Variants in ZNF561 observed in about 807,000 individuals in gnomAD.
ZNF561 encodes zinc finger protein 561.
A neutral mutation model predicts 16.7 loss-of-function variants in ZNF561; 16 were observed. The observed-to-expected ratio is 0.96, with a 90% CI of 0.65 to 1.45. ZNF561 has a LOEUF of 1.45. Among genes scored for constraint, ZNF561 ranks in the 40% most tolerant of loss-of-function variants. ZNF561 has a pLI of 0.00. For missense variants in ZNF561, 580 were observed against 578.0 expected, an observed-to-expected ratio of 1.00 and a Z score of -0.04; for synonymous variants, 190 against 192.1, an observed-to-expected ratio of 0.99 and a Z score of 0.09.
In ZNF561 at chr19:9,610,533, T is replaced by G. The variant is rs759910690; in HGVS notation, c.1128A>C (p.Thr376=). ...QCKECGKAFT[T]STSLIQHTRI... ...TTGTATGCTGAATAAGACTTGTGGA[T>G]GTAGTGAAGGCTTTCCCACATTCCT... The change falls in exon 6 of 6, where the codon ACA becomes ACC. Residue 376 remains threonine (T), a synonymous_variant. Coordinates refer to ENST00000302851, the MANE Select transcript of ZNF561 (RefSeq NM_152289.3). 1.4e-5 allele frequency: 23 copies of G among 1,613,884 alleles called. No individual in the cohort carries two copies.
At chr19:9,613,554 G>A (rs530403797) in intron 5 of ZNF561, among the ~76,000 whole-genome samples, 5 of 151,966 alleles carry the variant, frequency 3.3e-5, no homozygotes, top group East Asian at 1.9e-4. Flanking sequence ...AGTCTCACTC[G>A]GTCAACCAGG....
Position 9,610,731 on chromosome 19 carries a change from C to T in ZNF561, c.930G>A (p.Lys310=). 2.5e-6 allele frequency: 4 copies of T among 1,614,112 alleles called. No individual in the cohort carries two copies. The highest frequency in any genetic ancestry group is 3.4e-6 in the Non-Finnish European group (4 of 1,180,008). The part of the protein sequence containing the change: ...IQIHTGIKPH[K]CTYCGKAFTR... ...TGAAGGCTTTCCCACAGTAAGTACA[C>T]TTGTGTGGTTTTATTCCAGTGTGAA... Residue 310 remains lysine, a synonymous_variant, in exon 6 of 6, where the codon AAG becomes AAA. Transcript: ENST00000302851.
chr19:9,620,970 G>A (rs566857496), intron 1 of ZNF561, 192 bp downstream of exon 1: 2 of 152,348 alleles, frequency 1.3e-5, no homozygotes, highest in South Asian at 2.1e-4. Flanking sequence ...GACCCTGGAG[G>A]CAGAGGTTGC....
In ZNF561 at chr19:9,619,358, G is replaced by C. The variant is rs1000867399; in HGVS notation, c.25+74C>G. 9.2e-6 allele frequency: 14 copies of C among 1,517,088 alleles called. No homozygotes were observed. In the Admixed American group the frequency reaches 2.3e-4, roughly 25 times the overall value. 94.0% of individuals were successfully genotyped at this position (1,517,088 alleles called of 1,614,324 possible). A position where few individuals can be genotyped will look rare whatever the true frequency, so the allele number is the denominator to read the frequency against. On this transcript the variant is annotated intron_variant, in intron 2 of 5. Transcript: ENST00000302851. ...CCAGCTGCATGCCTGCTCAGGCTCAGCTCACTGGACGCTTGTGTTGTGGAG... is the reference window on the plus strand; with the variant it reads ...CCAGCTGCATGCCTGCTCAGGCTCACCTCACTGGACGCTTGTGTTGTGGAG...
At chr19:9,618,456 G>T (rs957126202) in intron 2 of ZNF561, among the ~76,000 whole-genome samples, 16 of 152,318 alleles carry the variant, frequency 1.1e-4, no homozygotes, top group African/African-American at 3.8e-4. Context: ...TCCAGGTGCG[G>T]TGCCTCATGC....
intron 1 of ZNF561, 149 bp from the exon 2 acceptor site, chr19:9,619,731 TA>T (rs1463055341): frequency 2.8e-6 from 1 of 357,608 alleles, no homozygotes; most frequent in Non-Finnish European, 5.1e-6. Flanking sequence ...TTAATAACAG[TA>T]ACTGACATTT....
Position 9,617,069 on chromosome 19 carries a change from T to A in ZNF561, c.217A>T (p.Asn73Tyr). The A allele has an allele frequency of 6.2e-7, 1 of 1,612,676 alleles. No individual in the cohort carries two copies. Among genetic ancestry groups the A allele is most frequent in the Non-Finnish European group, 8.5e-7 (1 of 1,179,108 alleles). Residue 73 changes from asparagine (N) to tyrosine (Y), a missense_variant, in exon 4 of 6, where the codon AAC becomes TAC. By Grantham distance (143) the Asn-to-Tyr change is moderately radical (BLOSUM62 -2). Transcript: ENST00000302851. ...CCCACAGAGGCCAGGTTCATGTAGT[T>A]CTCCAGCATCACATCTCTGTAGAGG... ...KYLYRDVMLE[N>Y]YMNLASVEWE... is the part of the protein sequence containing the mutation.
intron 3 of ZNF561, chr19:9,617,424 A>G: frequency 2.9e-6 from 2 of 683,284 alleles, no homozygotes; most frequent in Non-Finnish European, 1.9e-6. Flanking sequence ...TAATTTTTTA[A>G]TATTTGTATT....
intron 5 of ZNF561, 68 bp downstream of exon 5, chr19:9,613,953 T>C: frequency 1.9e-6 from 3 of 1,586,690 alleles, no homozygotes; most frequent in Non-Finnish European, 2.6e-6. Flanking sequence ...ACTGAGCTGA[T>C]TTTCTAGAAT....
At chr19:9,612,500 G>C (rs2074479381) in intron 5 of ZNF561, among the ~76,000 whole-genome samples, 1 of 152,072 alleles carries the variant, frequency 6.6e-6, no homozygotes, top group Non-Finnish European at 1.5e-5. Flanking sequence ...TTACAGGCGT[G>C]AGCCACCACA....
At chr19:9,614,922 T>A (rs1433777782) in intron 4 of ZNF561, among the ~76,000 whole-genome samples, 1 of 151,114 alleles carries the variant, frequency 6.6e-6, no homozygotes, top group African/African-American at 2.4e-5. Context: ...CAATGCAACC[T>A]CTGCCTTCTG....
At position 9,609,752 on chromosome 19, in the gene ZNF561, T is replaced by C. The variant is rs1253899642; in HGVS notation, c.*448A>G. 6.4e-6 allele frequency: 1 copy of C among 156,130 alleles called. No individual in the cohort carries two copies. Among genetic ancestry groups the C allele is most frequent in the South Asian group, 2.0e-4 (1 of 5,094 alleles). 9.7% of individuals were successfully genotyped at this position (156,130 alleles called of 1,614,324 possible). A position where few individuals can be genotyped will look rare whatever the true frequency, so the allele number is the denominator to read the frequency against. ...GCACTGGCAGTTATGGATGGTTTCA[T>C]TCCTGACACGCTCTGCAGGATCCGT... On this transcript the variant is annotated 3_prime_UTR_variant, in exon 6 of 6. Transcript: ENST00000302851.
At chr19:9,613,313 C>T (rs1383193071) in intron 5 of ZNF561, among the ~76,000 whole-genome samples, 3 of 152,112 alleles carry the variant, frequency 2.0e-5, no homozygotes, top group Non-Finnish European at 2.9e-5. Flanking sequence ...TTCTTTTTCA[C>T]TGCAAACTCC....
Position 9,609,383 on chromosome 19 carries a change from C to T in ZNF561, c.*817G>A, listed in dbSNP as rs1404472019. The T allele has an allele frequency of 6.6e-6, 1 of 152,048 alleles. No homozygotes were observed. Among genetic ancestry groups the T allele is most frequent in the Non-Finnish European group, 1.5e-5 (1 of 68,030 alleles). 9.4% of individuals were successfully genotyped at this position (152,048 alleles called of 1,614,324 possible). The stretch of plus-strand genomic sequence containing the variant: ...GACCCAGCTGGTCTCAGCAAAAATG[C>T]AAAAGGAGACCTGAATTGCAGAAAA... On this transcript the variant is annotated 3_prime_UTR_variant, in exon 6 of 6. Coordinates refer to ENST00000302851, the MANE Select transcript of ZNF561 (RefSeq NM_152289.3).
intron 4 of ZNF561, 157 bp from the exon 5 acceptor site, chr19:9,614,260 T>C: frequency 1.3e-6 from 1 of 759,026 alleles, no homozygotes; most frequent in South Asian, 1.8e-5. Flanking sequence ...TATAATGATG[T>C]GGGGTTTATT....
At chr19:9,614,375 G>A (rs2074516547) in intron 4 of ZNF561, 2 of 321,250 alleles carry the variant, frequency 6.2e-6, no homozygotes, top group Non-Finnish European at 1.2e-5. Context: ...TTGGGAGGCT[G>A]AGGCGGGTGG....
intron 1 of ZNF561, 77 bp from the exon 2 acceptor site, chr19:9,619,659 G>A: frequency 2.3e-6 from 1 of 444,298 alleles, no homozygotes. Context: ...GTCTCTGCAG[G>A]TGACAGATGT....
intron 3 of ZNF561, chr19:9,617,608 G>T (rs377362642): frequency 2.2e-6 from 1 of 453,856 alleles, no homozygotes; most frequent in Non-Finnish European, 4.4e-6. Flanking sequence ...CTGGGCTGAA[G>T]TGGTCCTCTC....
chr19:9,613,479 C>T (rs1216614738), intron 5 of ZNF561, among the ~76,000 whole-genome samples: 7 of 152,114 alleles, frequency 4.6e-5, no homozygotes, highest in Middle Eastern at 3.2e-3. Flanking sequence ...AAGTGATCCA[C>T]GTGCCTAGGC....
Sources: gnomAD v4.1 joint callset for allele counts (sites outside exome capture counted in the v4.1 genomes callset) on GRCh38, gnomAD v4.1.1 for gene constraint, MANE v1.5 for transcripts, NCBI Gene and HGNC (gene_info 2026-07-23, HGNC 2026-07-21) for gene names.